TTBK1: variants seen among roughly 807,000 people sequenced by gnomAD.
TTBK1 encodes the protein tau-tubulin kinase 1.
In TTBK1, 34 loss-of-function variants were observed where a neutral mutation model predicts 108.5. That is an observed-to-expected ratio of 0.31 (90% CI 0.24 to 0.42). TTBK1 has a LOEUF of 0.42. Among genes scored for constraint, TTBK1 ranks in the 10% least tolerant of loss-of-function variants. The probability of loss-of-function intolerance (pLI) is 1.00; values close to 1 mark genes in which losing one functional copy is unlikely to be tolerated. For synonymous variants in TTBK1, 809 were observed against 795.1 expected (o/e 1.02, Z -0.29); for missense variants, 1,539 against 1,826.0 (o/e 0.84, Z 2.86).
chr6:43,255,739 A>G lies in TTBK1; in HGVS notation c.744A>G (p.Val248=). The part of the protein sequence containing the change: ...PWRKIKDKEQ[V]GMIKEKYEHR... ...TGGCCTCTTGCCTCCAGGAACAGGT[A>G]GGGATGATCAAGGAGAAGTATGAGC... is the stretch of plus-strand genomic sequence containing the variant. Residue 248 remains valine (V), a synonymous_variant, in exon 9 of 15, where the codon GTA becomes GTG. Coordinates refer to ENST00000259750, the MANE Select transcript of TTBK1 (RefSeq NM_032538.3). 6.2e-7 allele frequency: 1 copy of G among 1,614,150 alleles called. No individual in the cohort carries two copies. Among genetic ancestry groups the G allele is most frequent in the Non-Finnish European group, 8.5e-7 (1 of 1,180,010 alleles).
chr6:43,283,590 G>A lies in TTBK1; in HGVS notation c.2850G>A (p.Arg950=). 4 of 1,614,168 alleles carry A rather than the reference G, an allele frequency of 2.5e-6. No individual in the cohort carries two copies. The highest frequency in any genetic ancestry group is 3.4e-6 in the Non-Finnish European group (4 of 1,179,998). ...TGTCTTCCGGTGGACAAGCCTTGCG[G>A]TCTGAGGAGTTCAGCGCTGGGGGCG... The part of the protein sequence containing the change: ...NVMSSGGQAL[R]SEEFSAGGEL... Residue 950 remains arginine, a synonymous_variant, in exon 14 of 15, where the codon CGG becomes CGA. Transcript: ENST00000259750. The surrounding 1 kb of genome is among the most constrained non-coding windows in gnomAD (Gnocchi z 8.1).
chr6:43,284,373 G>GGGCTTCTCCAGAACCAAGGTGAGA (rs1233537130), intron 14 of TTBK1, 61 bp downstream of exon 14: 1 of 1,489,994 alleles, frequency 6.7e-7, no homozygotes, highest in Non-Finnish European at 8.9e-7. Context: ...CCACCAGGAG[G>GGGCTTCTCCAGAACCAAGGTGAGA]GGCTTCTCCA....
chr6:43,259,446 A>C lies in TTBK1; in HGVS notation c.1249-85A>C. The C allele has an allele frequency of 7.0e-7, 1 of 1,428,646 alleles. No homozygotes were observed. The highest frequency in any genetic ancestry group is 9.4e-7 in the Non-Finnish European group (1 of 1,067,426). 88.5% of individuals were successfully genotyped at this position (1,428,646 alleles called of 1,614,324 possible). On this transcript the variant is annotated intron_variant, in intron 11 of 14. Coordinates refer to ENST00000259750, the MANE Select transcript of TTBK1 (RefSeq NM_032538.3). The surrounding 1 kb of genome is among the most constrained non-coding windows in gnomAD (Gnocchi z 6.7). Reference sequence around the variant, plus strand: ...CCTCGCTGTGTCTTCCATCATCATCATCCTCTGTCTCCTTCACCCTGAGGA... The same window carrying C: ...CCTCGCTGTGTCTTCCATCATCATCCTCCTCTGTCTCCTTCACCCTGAGGA...
rs938317577 is a variant in TTBK1 at position 43,253,783 on chromosome 6, G to C, written c.471+75G>C. ...CCTAATTCTTTCCCTGGGTCTCCTGGTTTCTCCTCTGCAACCATGGTTGGG... is the reference window on the plus strand; with the variant it reads ...CCTAATTCTTTCCCTGGGTCTCCTGCTTTCTCCTCTGCAACCATGGTTGGG... On this transcript the variant is annotated intron_variant, in intron 5 of 14. Coordinates refer to ENST00000259750, the MANE Select transcript of TTBK1 (RefSeq NM_032538.3). The surrounding 1 kb of genome is among the most constrained non-coding windows in gnomAD (Gnocchi z 5.8). 1.4e-5 allele frequency: 21 copies of C among 1,515,088 alleles called. No homozygotes were observed. In the African/African-American group the frequency reaches 2.2e-4, roughly 16 times the overall value. The allele number at this position is 1,515,088 out of a possible 1,614,324, so 93.9% of individuals were successfully genotyped here.
In TTBK1 at chr6:43,283,610, G is replaced by A. The variant is rs1327480966; in HGVS notation, c.2870G>A (p.Gly957Glu). 1 of 1,614,148 alleles carries A rather than the reference G, an allele frequency of 6.2e-7. No homozygotes were observed. The highest frequency in any genetic ancestry group is 2.2e-5 in the East Asian group (1 of 44,880). Reference protein sequence around the residue: ...QALRSEEFSAGGELGLELASD... With the variant: ...QALRSEEFSAEGELGLELASD... ...TTGCGGTCTGAGGAGTTCAGCGCTG[G>A]GGGCGAGCTGGGTCTGGAGCTGGCC... The change falls in exon 14 of 15, where the codon GGG becomes GAG. Residue 957 changes from glycine (G) to glutamate (E), a missense_variant. Physicochemically the swap from Gly to Glu is moderately conservative, Grantham distance 98 (BLOSUM62 -2). Around this residue, in one of 5 missense-constraint regions of TTBK1, gnomAD observed 1,055 missense variants for 1,086.5 expected, o/e 0.97. Coordinates refer to ENST00000259750, the MANE Select transcript of TTBK1 (RefSeq NM_032538.3). This position sits in a 1 kb window ranked among gnomAD's most constrained non-coding sequence, Gnocchi z 8.1.
At chr6:43,249,993 T>A (rs4623236) in intron 2 of TTBK1, among the ~76,000 whole-genome samples, 35,712 of 145,134 alleles carry the variant, frequency 0.25, 4,454 homozygotes, top group East Asian at 0.4. Context: ...GGGAGAAGGG[T>A]TGTTGGTGGA....
At chr6:43,251,598 C>T (rs1777241540) in intron 2 of TTBK1, among the ~76,000 whole-genome samples, 1 of 152,200 alleles carries the variant, frequency 6.6e-6, no homozygotes, top group South Asian at 2.1e-4. Flanking sequence ...GATTTTGAGC[C>T]CCTCCCCAGA....
Position 43,252,753 on chromosome 6 carries a change from G to A in TTBK1, c.123G>A (p.Gly41=), listed in dbSNP as rs1777278512. The part of the protein sequence containing the change: ...KDRWKVLKKI[G]GGGFGEIYEA... Reference sequence around the variant, plus strand: ...CATCTTCATAGCTGAAAAAGATCGGGGGCGGGGGCTTTGGTGAGATCTACG... The same window carrying A: ...CATCTTCATAGCTGAAAAAGATCGGAGGCGGGGGCTTTGGTGAGATCTACG... Residue 41 remains glycine (G), a synonymous_variant, in exon 3 of 15, where the codon GGG becomes GGA. Transcript: ENST00000259750. 1 of 1,613,886 alleles carries A rather than the reference G, an allele frequency of 6.2e-7. No homozygotes were observed. The highest frequency in any genetic ancestry group is 1.3e-5 in the African/African-American group (1 of 74,914).
At position 43,276,156 on chromosome 6, in the gene TTBK1, TA is replaced by T. The variant is rs1174321033; in HGVS notation, c.1987-6569del. The stretch of plus-strand genomic sequence containing the variant: ...ATTCCTGAGCCTTCCCCTCCCATCG[TA>T]AGTCCTTCCCTCGACCCCCCATTTT... On this transcript the variant is annotated intron_variant, in intron 13 of 14. Coordinates refer to ENST00000259750, the MANE Select transcript of TTBK1 (RefSeq NM_032538.3). The surrounding 1 kb of genome is among the most constrained non-coding windows in gnomAD (Gnocchi z 5.4). Among the ~76,000 whole-genome samples the T allele has an allele frequency of 1.3e-4, 20 of 152,094 alleles. No individual in the cohort carries two copies. Among genetic ancestry groups the T allele is most frequent in the Non-Finnish European group, 2.2e-4 (15 of 68,010 alleles).
At chr6:43,271,284 G>C (rs1239878331) in intron 13 of TTBK1, 3 of 985,382 alleles carry the variant, frequency 3.0e-6, no homozygotes, top group South Asian at 9.4e-5. Context: ...GTGCATAAGA[G>C]TGTGCTTACG....
At chr6:43,274,278 C>T (rs1342296764) in intron 13 of TTBK1, among the ~76,000 whole-genome samples, 1 of 152,176 alleles carries the variant, frequency 6.6e-6, no homozygotes, top group Admixed American at 6.5e-5. Context: ...CAGACACAGC[C>T]CTGCCTAGTG....
At chr6:43,270,252 T>C (rs1038384557) in intron 13 of TTBK1, 18 of 1,208,228 alleles carry the variant, frequency 1.5e-5, no homozygotes, top group Non-Finnish European at 1.7e-5. Flanking sequence ...GAGCCACTGA[T>C]GGGTCCAGAG....
chr6:43,283,218 C>T lies in TTBK1; in HGVS notation c.2478C>T (p.Asp826=), dbSNP rs569605455. The part of the protein sequence containing the change: ...SRGRASMADG[D]LEPEEGSKTL... ...GCCGGGCCTCCATGGCCGATGGGGA[C>T]CTGGAGCCTGAGGAGGGCTCCAAAA... is the stretch of plus-strand genomic sequence containing the variant. Residue 826 remains aspartate (D), a synonymous_variant, in exon 14 of 15, where the codon GAC becomes GAT. Transcript: ENST00000259750. The surrounding 1 kb of genome is among the most constrained non-coding windows in gnomAD (Gnocchi z 8.1). 1.3e-6 allele frequency: 2 copies of T among 1,551,738 alleles called. No individual in the cohort carries two copies. The highest frequency in any genetic ancestry group is 2.7e-5 in the African/African-American group (2 of 73,160).
In TTBK1 at chr6:43,263,423, C is replaced by T. The variant is rs1777600143; in HGVS notation, c.1986+73C>T. ...CCTGGTGTGTAGGCCTGGGGTGCTC[C>T]ATGTGTGCTGGCACTACTGACCAGT... On this transcript the variant is annotated intron_variant, in intron 13 of 14. Transcript: ENST00000259750. The surrounding 1 kb of genome is among the most constrained non-coding windows in gnomAD (Gnocchi z 4.7). 3.6e-6 allele frequency: 5 copies of T among 1,377,122 alleles called. No individual in the cohort carries two copies. Among genetic ancestry groups the T allele is most frequent in the Non-Finnish European group, 9.6e-7 (1 of 1,042,630 alleles). The allele number at this position is 1,377,122 out of a possible 1,614,324, so 85.3% of individuals were successfully genotyped here.
Position 43,270,456 on chromosome 6 carries a change from T to TGTGTCC in TTBK1, c.1986+7108_1986+7109insGTCCGT, listed in dbSNP as rs1401869380. On this transcript the variant is annotated intron_variant, in intron 13 of 14. Transcript: ENST00000259750. ...GTGTGTGTGTGTGTGTGTGTGTGTG[T>TGTGTCC]GTCCCTGTGTATGGATGGAGGCCAG... 3 of 990,932 alleles carry TGTGTCC rather than the reference T, an allele frequency of 3.0e-6. No homozygotes were observed. In the African/African-American group the frequency reaches 5.4e-5, roughly 18 times the overall value. 61.4% of individuals were successfully genotyped at this position (990,932 alleles called of 1,614,324 possible).
rs1286932962 is a variant in TTBK1 at position 43,252,899 on chromosome 6, G to T, written c.256+13G>T. The T allele has an allele frequency of 6.2e-7, 1 of 1,612,854 alleles. No individual in the cohort carries two copies. Among genetic ancestry groups the T allele is most frequent in the Non-Finnish European group, 8.5e-7 (1 of 1,179,806 alleles). ...AAGAAGTTGCAAGGTTCGGGCCTCG[G>T]GCAGGGGGATGGGAAGGAAGAGATG... On this transcript the variant is annotated intron_variant, in intron 3 of 14. Coordinates refer to ENST00000259750, the MANE Select transcript of TTBK1 (RefSeq NM_032538.3).
rs140791379 is a variant in TTBK1 at position 43,257,214 on chromosome 6, C to T, written c.862-598C>T. Among the ~76,000 whole-genome samples, 171 of 152,340 alleles carry T rather than the reference C, an allele frequency of 1.1e-3. No individual in the cohort carries two copies. Among genetic ancestry groups the T allele is most frequent in the African/African-American group, 4.0e-3 (167 of 41,566 alleles). ...TCCTGAACCCAGGGCCTGGCAGAGACGCCCCCTGATCTTGGCTTAGCCTCA... is the reference window on the plus strand; with the variant it reads ...TCCTGAACCCAGGGCCTGGCAGAGATGCCCCCTGATCTTGGCTTAGCCTCA... On this transcript the variant is annotated intron_variant, in intron 9 of 14. Transcript: ENST00000259750. This position sits in a 1 kb window ranked among gnomAD's most constrained non-coding sequence, Gnocchi z 4.5.
intron 2 of TTBK1, among the ~76,000 whole-genome samples, chr6:43,251,723 C>A (rs1263341903): frequency 6.6e-6 from 1 of 152,184 alleles, no homozygotes; most frequent in South Asian, 2.1e-4. Context: ...AGGGTCAGAC[C>A]GCTGCTCCAT....
At chr6:43,258,900 G>A (rs974611167) in intron 10 of TTBK1, 138 bp from the exon 11 acceptor site, 6 of 618,948 alleles carry the variant, frequency 9.7e-6, no homozygotes, top group African/African-American at 3.7e-5. Context: ...TGGGCCTAGG[G>A]ACACTCTCAC....
Sources: allele counts gnomAD v4.1 joint callset (sites outside exome capture counted in the v4.1 genomes callset), GRCh38; gene constraint gnomAD v4.1.1; regional missense constraint gnomAD v4.1.1; non-coding constraint Gnocchi (gnomAD v3.1); transcripts MANE v1.5; gene names NCBI Gene and HGNC (gene_info 2026-07-23, HGNC 2026-07-21).